NBAS: variants seen among roughly 807,000 people sequenced by gnomAD.
The protein encoded by NBAS is NBAS subunit of NRZ tethering complex.
A neutral mutation model predicts 302.5 loss-of-function variants in NBAS; 219 were observed. That is an observed-to-expected ratio of 0.72 (90% confidence interval 0.65 to 0.81). The LOEUF is 0.81. Among genes scored for constraint, NBAS ranks in the 30% least tolerant of loss-of-function variants. NBAS has a pLI of 0.00. For missense variants in NBAS, 2,932 were observed against 2,841.6 expected, an observed-to-expected ratio of 1.03 and a Z score of -0.72; for synonymous variants, 1,118 against 1,021.6, an observed-to-expected ratio of 1.09 and a Z score of -1.80.
the NBAS span, among the ~76,000 whole-genome samples, chr2:14,848,287 T>A: frequency 2.1e-5 from 3 of 143,718 alleles, no homozygotes; most frequent in Non-Finnish European, 4.5e-5. Flanking sequence ...GGTCAGGGAG[T>A]TCCCTTTCCG....
chr2:14,859,579 T>C, the NBAS span, among the ~76,000 whole-genome samples: 8 of 151,990 alleles, frequency 5.3e-5, no homozygotes, highest in African/African-American at 1.9e-4. Context: ...GAACATGCAT[T>C]GGGGAAAGGA....
intron 44 of NBAS, among the ~76,000 whole-genome samples, chr2:15,255,513 G>T: frequency 6.6e-6 from 1 of 152,140 alleles, no homozygotes; most frequent in South Asian, 2.1e-4. Flanking sequence ...TCTGTAGGTT[G>T]TTGAGTAGCT....
the NBAS span, among the ~76,000 whole-genome samples, chr2:15,133,323 G>T: frequency 2.0e-5 from 3 of 151,946 alleles, no homozygotes; most frequent in East Asian, 1.9e-4. Context: ...GACATAGCGG[G>T]GGGGGGGCAG....
At chr2:14,844,458 G>T in the NBAS span, among the ~76,000 whole-genome samples, 4 of 152,218 alleles carry the variant, frequency 2.6e-5, no homozygotes, top group Admixed American at 1.3e-4. Flanking sequence ...CTTCAGGTGA[G>T]ACTCAGCACA....
the NBAS span, among the ~76,000 whole-genome samples, chr2:14,811,308 G>A: frequency 1.3e-5 from 2 of 152,218 alleles, no homozygotes; most frequent in African/African-American, 4.8e-5. Context: ...TACCGGGGAG[G>A]TTGAAATAGG....
intron 44 of NBAS, among the ~76,000 whole-genome samples, chr2:15,239,168 A>C (rs747768029): frequency 5.9e-5 from 9 of 152,126 alleles, no homozygotes; most frequent in Non-Finnish European, 1.3e-4. Flanking sequence ...TAGTCATTAA[A>C]ATTAGAATTA....
At chr2:15,365,282 T>C (rs916813610) in intron 32 of NBAS, among the ~76,000 whole-genome samples, 4 of 152,180 alleles carry the variant, frequency 2.6e-5, no homozygotes, top group African/African-American at 9.7e-5. Flanking sequence ...AGGAAACAAA[T>C]CCTAGTAGGA....
chr2:15,383,780 G>A (rs917171889), intron 28 of NBAS, among the ~76,000 whole-genome samples: 7 of 152,256 alleles, frequency 4.6e-5, no homozygotes, highest in Middle Eastern at 3.4e-3. Context: ...TAGGACAACC[G>A]CAGGCCACAT....
At chr2:15,303,321 C>T (rs1670889444) in intron 40 of NBAS, among the ~76,000 whole-genome samples, 1 of 152,130 alleles carries the variant, frequency 6.6e-6, no homozygotes. Flanking sequence ...GGAATAAAAA[C>T]CCAGATGTAT....
intron 44 of NBAS, among the ~76,000 whole-genome samples, chr2:15,275,152 T>C (rs1441940566): frequency 1.3e-5 from 2 of 152,172 alleles, no homozygotes; most frequent in African/African-American, 4.8e-5. Flanking sequence ...GCAGGTAATC[T>C]GGGCTGGGCA....
the NBAS span, among the ~76,000 whole-genome samples, chr2:15,050,544 C>T: frequency 1.3e-5 from 2 of 152,288 alleles, no homozygotes; most frequent in African/African-American, 2.4e-5. Flanking sequence ...ACTGATGACT[C>T]GGCTCAGATG....
chr2:15,321,107 T>G (rs1252588427), intron 38 of NBAS, among the ~76,000 whole-genome samples: 1 of 152,194 alleles, frequency 6.6e-6, no homozygotes, highest in Non-Finnish European at 1.5e-5. Context: ...TACAACCATC[T>G]AATCTTTGAC....
At chr2:15,244,684 C>A (rs192414413) in intron 44 of NBAS, among the ~76,000 whole-genome samples, 1 of 152,254 alleles carries the variant, frequency 6.6e-6, no homozygotes, top group East Asian at 1.9e-4. Context: ...GGACCTGATG[C>A]GCAGCCTACT....
the NBAS span, among the ~76,000 whole-genome samples, chr2:15,021,522 C>T: frequency 1.3e-5 from 2 of 152,174 alleles, no homozygotes; most frequent in African/African-American, 2.4e-5. Flanking sequence ...TTGAAGGATG[C>T]ATAGCATACA....
chr2:15,530,963 T>G (rs1558416461), intron 9 of NBAS, among the ~76,000 whole-genome samples: 1 of 152,036 alleles, frequency 6.6e-6, no homozygotes, highest in Non-Finnish European at 1.5e-5. Flanking sequence ...ACATGGATTT[T>G]ATATTACAAT....
intron 40 of NBAS, among the ~76,000 whole-genome samples, chr2:15,298,887 C>T (rs928184477): frequency 2.6e-5 from 4 of 152,126 alleles, no homozygotes; most frequent in African/African-American, 4.8e-5. Context: ...TTGAAGCATC[C>T]GGAGCTGTAG....
At chr2:15,101,967 T>C in the NBAS span, among the ~76,000 whole-genome samples, 1 of 152,240 alleles carries the variant, frequency 6.6e-6, no homozygotes, top group Non-Finnish European at 1.5e-5. Flanking sequence ...GTGGGCCATT[T>C]CTCATGCTCT....
At chr2:15,161,207 G>A in the NBAS span, among the ~76,000 whole-genome samples, 2 of 152,076 alleles carry the variant, frequency 1.3e-5, no homozygotes, top group African/African-American at 4.8e-5. Flanking sequence ...TATATAAGTG[G>A]GGGATACTAT....
intron 25 of NBAS, among the ~76,000 whole-genome samples, chr2:15,407,878 G>C (rs1676494229): frequency 6.6e-6 from 1 of 152,156 alleles, no homozygotes; most frequent in African/African-American, 2.4e-5. Flanking sequence ...GCAAATAAAT[G>C]TGTTCCTTCT....
Sources: allele counts gnomAD v4.1 joint callset (sites outside exome capture counted in the v4.1 genomes callset), GRCh38; gene constraint gnomAD v4.1.1; transcripts MANE v1.5; gene names NCBI Gene and HGNC (gene_info 2026-07-23, HGNC 2026-07-21).